Variants in NELL1 observed in about 807,000 individuals in gnomAD.
NELL1 encodes protein kinase C-binding protein NELL1.
NELL1 carries 76 observed loss-of-function variants against 107.4 expected under a neutral mutation model. The ratio of observed to expected loss-of-function variants is 0.71; its 90% CI spans 0.59 to 0.86. NELL1 has a LOEUF of 0.86. Among genes scored for constraint, NELL1 ranks in the 40% least tolerant of loss-of-function variants. The pLI, the probability that NELL1 is intolerant of heterozygous loss-of-function variation, is 0.00. For synonymous variants in NELL1, 353 were observed against 341.2 expected, an observed-to-expected ratio of 1.03 and a Z score of -0.38; for missense variants, 1,024 against 1,005.5, an observed-to-expected ratio of 1.02 and a Z score of -0.25.
At chr11:21,034,406 C>G (rs7116664) in intron 12 of NELL1, among the ~76,000 whole-genome samples, 3,576 of 152,214 alleles carry the variant, frequency 0.023, 139 homozygotes, top group African/African-American at 0.081. Context: ...TGGATCAAAT[C>G]AACCACAGAA....
intron 12 of NELL1, among the ~76,000 whole-genome samples, chr11:21,025,309 G>A (rs191689892): frequency 6.6e-6 from 1 of 152,000 alleles, no homozygotes; most frequent in African/African-American, 2.4e-5. Flanking sequence ...AATTCTGTAA[G>A]GTTGGTGCTA....
chr11:20,916,920 A>T (rs892547970), intron 5 of NELL1, among the ~76,000 whole-genome samples: 1 of 151,866 alleles, frequency 6.6e-6, no homozygotes, highest in African/African-American at 2.4e-5. Flanking sequence ...TGGCTAACTT[A>T]TTGCCTAAGT....
intron 11 of NELL1, among the ~76,000 whole-genome samples, chr11:20,955,898 A>G (rs1211361361): frequency 6.6e-6 from 1 of 152,164 alleles, no homozygotes; most frequent in Non-Finnish European, 1.5e-5. Flanking sequence ...AGTGATTTCC[A>G]TATTTTTAAG....
intron 12 of NELL1, among the ~76,000 whole-genome samples, chr11:21,065,408 A>T (rs1288607292): frequency 1.3e-5 from 2 of 151,934 alleles, no homozygotes; most frequent in Non-Finnish European, 2.9e-5. Context: ...TTGCTCCTTG[A>T]CTCGATTTGC....
At chr11:20,870,118 T>C (rs2134086137) in intron 4 of NELL1, among the ~76,000 whole-genome samples, 1 of 152,300 alleles carries the variant, frequency 6.6e-6, no homozygotes, top group Admixed American at 6.5e-5. Flanking sequence ...TCATTGAGCC[T>C]CAACATAAAT....
chr11:21,389,888 C>G (rs1372552423), intron 15 of NELL1, among the ~76,000 whole-genome samples: 1 of 151,682 alleles, frequency 6.6e-6, no homozygotes, highest in East Asian at 2.0e-4. Flanking sequence ...TGTATATGTC[C>G]TTGGGTGACC....
intron 12 of NELL1, among the ~76,000 whole-genome samples, chr11:21,062,329 A>G (rs1401353891): frequency 2.0e-5 from 3 of 152,330 alleles, no homozygotes; most frequent in Non-Finnish European, 2.9e-5. Context: ...TGAAAAACTT[A>G]AAATTACATA....
intron 4 of NELL1, among the ~76,000 whole-genome samples, chr11:20,868,193 G>A (rs1397332182): frequency 1.3e-5 from 2 of 152,126 alleles, no homozygotes; most frequent in Non-Finnish European, 2.9e-5. Context: ...GGTCCTAGAA[G>A]CAGGAGGCAT....
intron 14 of NELL1, among the ~76,000 whole-genome samples, chr11:21,309,475 C>G (rs913004761): frequency 6.6e-6 from 1 of 151,542 alleles, no homozygotes. Flanking sequence ...CTTACCCCTT[C>G]CAAATTGAAT....
At chr11:20,994,792 T>G (rs903268723) in intron 12 of NELL1, among the ~76,000 whole-genome samples, 6 of 152,232 alleles carry the variant, frequency 3.9e-5, no homozygotes, top group Non-Finnish European at 8.8e-5. Flanking sequence ...TAGTGTAATA[T>G]CCTGCTGAGA....
intron 13 of NELL1, among the ~76,000 whole-genome samples, chr11:21,176,287 AG>A (rs1486268763): frequency 6.6e-6 from 1 of 151,950 alleles, no homozygotes; most frequent in African/African-American, 2.4e-5. Context: ...ACCTTAGTGA[AG>A]TAAAATTTGT....
At position 20,788,553 on chromosome 11, in the gene NELL1, C is replaced by CT. The variant is rs1857013399; in HGVS notation, c.335+4726dup. ...GCCCACATTTAATTGGATTCTTTGT[C>CT]TTTCTATCATTGATTTGTAATAATC... is the stretch of plus-strand genomic sequence containing the variant. On this transcript the variant is annotated intron_variant, in intron 3 of 19. Transcript: ENST00000357134. Among the ~76,000 whole-genome samples, 3 of 143,500 alleles carry CT rather than the reference C, an allele frequency of 2.1e-5. 1 individual carries two copies. In the South Asian group the frequency reaches 6.3e-4, roughly 30 times the overall value. 94.1% of individuals were successfully genotyped at this position (143,500 alleles called of 152,430 possible).
chr11:21,467,190 C>T (rs899563460), intron 15 of NELL1, among the ~76,000 whole-genome samples: 6 of 151,982 alleles, frequency 3.9e-5, no homozygotes, highest in African/African-American at 1.4e-4. Context: ...ATTGCAGATC[C>T]CATACTTACT....
At chr11:20,670,159 G>C (rs1419371360) in intron 1 of NELL1, among the ~76,000 whole-genome samples, 1 of 152,064 alleles carries the variant, frequency 6.6e-6, no homozygotes, top group Admixed American at 6.5e-5. Context: ...CACTCTCGCC[G>C]ACCCCCGCCA....
intron 4 of NELL1, among the ~76,000 whole-genome samples, chr11:20,861,477 A>G (rs1225016926): frequency 6.6e-6 from 1 of 152,258 alleles, no homozygotes; most frequent in South Asian, 2.1e-4. Flanking sequence ...TTTGGGCTAC[A>G]ATACATCTCT....
chr11:20,687,043 C>CCCT (rs529086417), intron 2 of NELL1, among the ~76,000 whole-genome samples: 27,166 of 128,152 alleles, frequency 0.21, 2,850 homozygotes, highest in African/African-American at 0.31. Context: ...CTCTCTCTCT[C>CCCT]TCTTTTTTTT....
intron 14 of NELL1, among the ~76,000 whole-genome samples, chr11:21,236,980 C>T (rs1858224084): frequency 6.6e-6 from 1 of 152,134 alleles, no homozygotes; most frequent in African/African-American, 2.4e-5. Context: ...ATTTCACATC[C>T]TTCAAATCTG....
At chr11:20,985,149 G>A (rs1345257022) in intron 12 of NELL1, among the ~76,000 whole-genome samples, 1 of 151,946 alleles carries the variant, frequency 6.6e-6, no homozygotes, top group Non-Finnish European at 1.5e-5. Flanking sequence ...ATTTGAAGTG[G>A]TTACTATTCT....
At chr11:21,263,281 G>A (rs1848568799) in intron 14 of NELL1, among the ~76,000 whole-genome samples, 1 of 151,902 alleles carries the variant, frequency 6.6e-6, no homozygotes, top group African/African-American at 2.4e-5. Flanking sequence ...ATACTTAAGA[G>A]CTCTGCAATA....
Sources: gnomAD v4.1 joint callset for allele counts (sites outside exome capture counted in the v4.1 genomes callset) on GRCh38, gnomAD v4.1.1 for gene constraint, MANE v1.5 for transcripts, NCBI Gene and HGNC (gene_info 2026-07-23, HGNC 2026-07-21) for gene names.